Variants in DYNC1I1 observed in about 807,000 individuals in gnomAD.
DYNC1I1 encodes cytoplasmic dynein 1 intermediate chain 1.
Under a neutral mutation model 86.6 loss-of-function variants are expected in DYNC1I1, and 43 were observed. That is an observed-to-expected ratio of 0.50 (90% confidence interval 0.39 to 0.64). The LOEUF (loss-of-function observed/expected upper bound fraction) is 0.64. Among genes scored for constraint, DYNC1I1 ranks in the 30% least tolerant of loss-of-function variants. DYNC1I1 has a pLI of 0.00. For missense variants in DYNC1I1, 604 were observed against 788.8 expected (o/e 0.77, Z 2.81); for synonymous variants, 262 against 283.7 (o/e 0.92, Z 0.77).
chr7:96,054,535 G>T (rs188011232), intron 14 of DYNC1I1, among the ~76,000 whole-genome samples: 1 of 152,264 alleles, frequency 6.6e-6, no homozygotes, highest in East Asian at 1.9e-4. Context: ...GATATTTCTG[G>T]TTCTAGATCC....
chr7:95,825,675 G>A (rs1795189032), intron 4 of DYNC1I1, among the ~76,000 whole-genome samples: 2 of 152,150 alleles, frequency 1.3e-5, no homozygotes, highest in Non-Finnish European at 2.9e-5. Context: ...AACTACAGAT[G>A]CCTGGGTCCC....
Position 96,028,248 on chromosome 7 carries a change from T to C in DYNC1I1, c.1043T>C (p.Ile348Thr). The change falls in exon 11 of 17, where the codon ATT (isoleucine) becomes ACT (threonine). Residue 348 changes from isoleucine (I) to threonine (T), a missense_variant. Transcript: ENST00000447467. Reference protein sequence around the residue: ...LVVGGTYSGQIVLWDNRSHRR... With the variant: ...LVVGGTYSGQTVLWDNRSHRR... ...GTTGGTGGGACTTACTCGGGCCAGA[T>C]TGTCCTCTGGGACAATCGCAGTCAT... The C allele has an allele frequency of 6.2e-7, 1 of 1,613,896 alleles. No homozygotes were observed. Among genetic ancestry groups the C allele is most frequent in the East Asian group, 2.2e-5 (1 of 44,876 alleles).
chr7:95,997,850 T>C (rs763374559), intron 10 of DYNC1I1, among the ~76,000 whole-genome samples: 1 of 152,150 alleles, frequency 6.6e-6, no homozygotes, highest in Non-Finnish European at 1.5e-5. Context: ...ATACAGGTGA[T>C]ACTCATGAAG....
intron 14 of DYNC1I1, among the ~76,000 whole-genome samples, chr7:96,063,113 GTGTGTGTGTGTGTGTGTGTA>G (rs1789838323): frequency 1.6e-5 from 2 of 128,952 alleles, no homozygotes; most frequent in Admixed American, 7.3e-5. Flanking sequence ...ATATATGTGT[GTGTGTGTGTGTGTGTGTGTA>G]TGTGTGTGTT....
At chr7:95,924,323 G>T (rs1435361738) in intron 6 of DYNC1I1, among the ~76,000 whole-genome samples, 2 of 152,112 alleles carry the variant, frequency 1.3e-5, no homozygotes, top group Non-Finnish European at 2.9e-5. Context: ...TTGAAATGTG[G>T]CTAGTCCAAC....
chr7:95,961,463 C>G (rs532933859), intron 6 of DYNC1I1, among the ~76,000 whole-genome samples: 1 of 152,340 alleles, frequency 6.6e-6, no homozygotes, highest in African/African-American at 2.4e-5. Context: ...GGTTTGCACA[C>G]TTGATCCTTC....
chr7:95,906,074 A>G (rs1358979998), intron 6 of DYNC1I1, among the ~76,000 whole-genome samples: 4 of 152,190 alleles, frequency 2.6e-5, no homozygotes, highest in Non-Finnish European at 5.9e-5. Flanking sequence ...GGAAAGACAG[A>G]GAGAACAGTT....
At chr7:95,778,006 A>G (rs1302498835) in intron 1 of DYNC1I1, among the ~76,000 whole-genome samples, 1 of 152,218 alleles carries the variant, frequency 6.6e-6, no homozygotes, top group Non-Finnish European at 1.5e-5. Flanking sequence ...TAAAAATAAA[A>G]CCGTGACATC....
rs1322402297 is a variant in DYNC1I1, at chr7:95,977,577, G to A, written c.556G>A (p.Asp186Asn). 4 of 1,612,232 alleles carry A rather than the reference G, an allele frequency of 2.5e-6. No homozygotes were observed. The highest frequency in any genetic ancestry group is 3.4e-6 in the Non-Finnish European group (4 of 1,179,200). ...CCAGGACTCAGAACTGGAAAATCAG[G>A]ACAAAAAACAGGAAGTGAAGGAAGG... ...VGQDSELENQ[D>N]KKQEVKEAPP... Residue 186 changes from aspartate to asparagine, a missense_variant, in exon 7 of 17, where the codon GAC becomes AAC. Asp to Asn is a conservative substitution (Grantham distance 23, BLOSUM62 1). Transcript: ENST00000447467.
chr7:95,852,362 T>C (rs1789601455), intron 5 of DYNC1I1, among the ~76,000 whole-genome samples: 1 of 152,028 alleles, frequency 6.6e-6, no homozygotes. Context: ...TATCTTCTTT[T>C]ATATTTTTGA....
chr7:96,100,985 G>A (rs988322645), downstream of DYNC1I1, among the ~76,000 whole-genome samples: 3 of 152,180 alleles, frequency 2.0e-5, no homozygotes, highest in African/African-American at 7.2e-5. Context: ...AGAATGTTTA[G>A]CAGTAGCTTT....
In DYNC1I1 at chr7:96,107,171, T is replaced by G. The variant is rs144021971; in HGVS notation, c.1543-2808T>G. On this transcript the variant is annotated intron_variant, in intron 16 of 16. Transcript: ENST00000537881. ...CCTCCCGAGAAGCTGAGATTACAGGTGCCCACCACCATACCTGGCTAATAT... is the reference window on the plus strand; with the variant it reads ...CCTCCCGAGAAGCTGAGATTACAGGGGCCCACCACCATACCTGGCTAATAT... Among the ~76,000 whole-genome samples the G allele has an allele frequency of 9.9e-5, 15 of 152,048 alleles. No homozygotes were observed. In the East Asian group the frequency reaches 2.7e-3, roughly 28 times the overall value.
rs565408831 is a variant in DYNC1I1, at chr7:95,794,794, C to A, written c.-9-9927C>A. Among the ~76,000 whole-genome samples, 4 of 152,262 alleles carry A rather than the reference C, an allele frequency of 2.6e-5. No individual in the cohort carries two copies. The East Asian group carries it at 7.7e-4, about 29-fold the overall frequency. On this transcript the variant is annotated intron_variant, in intron 1 of 16. Coordinates refer to ENST00000447467, the MANE Select transcript of DYNC1I1 (RefSeq NM_001135556.2). ...AGACACAACAGTCTTAAATACATGT[C>A]ACAAATTCAGCAAGAGTGATACTAA...
intron 14 of DYNC1I1, among the ~76,000 whole-genome samples, chr7:96,050,638 T>A (rs1018971027): frequency 6.6e-6 from 1 of 152,142 alleles, no homozygotes; most frequent in African/African-American, 2.4e-5. Context: ...TGCCTTTTTC[T>A]ACCAAACTGC....
intron 5 of DYNC1I1, among the ~76,000 whole-genome samples, chr7:95,829,144 A>G (rs1259698332): frequency 1.3e-5 from 2 of 152,148 alleles, no homozygotes; most frequent in Non-Finnish European, 1.5e-5. Context: ...CTTATTATTC[A>G]TTTTGAATTC....
chr7:95,962,140 C>G (rs1792886589), intron 6 of DYNC1I1, among the ~76,000 whole-genome samples: 1 of 152,168 alleles, frequency 6.6e-6, no homozygotes, highest in South Asian at 2.1e-4. Flanking sequence ...AGCATCTAAC[C>G]TAAAGGATGT....
intron 8 of DYNC1I1, among the ~76,000 whole-genome samples, chr7:95,986,203 A>T (rs1418949275): frequency 1.3e-5 from 2 of 152,220 alleles, no homozygotes; most frequent in African/African-American, 4.8e-5. Context: ...AAGTTAAGTG[A>T]TGCAGGGCGC....
chr7:95,888,301 G>A (rs989417096), intron 6 of DYNC1I1, among the ~76,000 whole-genome samples: 1 of 152,104 alleles, frequency 6.6e-6, no homozygotes, highest in African/African-American at 2.4e-5. Context: ...GCTGAACGTG[G>A]TAGTGCACGC....
At chr7:96,010,122 G>T (rs1397673662) in intron 10 of DYNC1I1, among the ~76,000 whole-genome samples, 1 of 152,010 alleles carries the variant, frequency 6.6e-6, no homozygotes, top group East Asian at 1.9e-4. Context: ...TGATAAATAC[G>T]ACCTGTTCCT....
Sources: allele counts gnomAD v4.1 joint callset (sites outside exome capture counted in the v4.1 genomes callset), GRCh38; gene constraint gnomAD v4.1.1; transcripts MANE v1.5; gene names NCBI Gene and HGNC (gene_info 2026-07-23, HGNC 2026-07-21).